SUCLG2: variants seen among roughly 807,000 people sequenced by gnomAD.
SUCLG2 encodes the protein succinate-CoA ligase GDP-forming subunit beta, also known as succinate--CoA ligase [GDP-forming] subunit beta, mitochondrial.
A neutral mutation model predicts 47.9 loss-of-function variants in SUCLG2; 42 were observed. That is an observed-to-expected ratio of 0.88 (90% CI 0.69 to 1.14). The LOEUF (loss-of-function observed/expected upper bound fraction) is 1.14. Among genes scored for constraint, SUCLG2 ranks in the 50% most tolerant of loss-of-function variants. The probability of loss-of-function intolerance (pLI) is 0.00; values close to 1 mark genes in which losing one functional copy is unlikely to be tolerated. For synonymous variants in SUCLG2, 195 were observed against 197.3 expected, an observed-to-expected ratio of 0.99 and a Z score of 0.10; for missense variants, 571 against 525.9, an observed-to-expected ratio of 1.09 and a Z score of -0.84.
intron 7 of SUCLG2, among the ~76,000 whole-genome samples, chr3:67,506,099 C>T (rs539964888): frequency 5.2e-4 from 79 of 152,080 alleles, no homozygotes; most frequent in African/African-American, 1.8e-3. Flanking sequence ...GAAATTTTAC[C>T]GTGAAATGTT....
intron 2 of SUCLG2, among the ~76,000 whole-genome samples, chr3:67,547,742 A>C (rs1706906425): frequency 1.3e-5 from 2 of 152,112 alleles, no homozygotes; most frequent in Non-Finnish European, 2.9e-5. Flanking sequence ...ATTAACACTG[A>C]CTTGGGAATG....
intron 9 of SUCLG2, among the ~76,000 whole-genome samples, chr3:67,453,417 G>A (rs989623886): frequency 3.3e-5 from 5 of 152,102 alleles, no homozygotes; most frequent in African/African-American, 4.8e-5. Context: ...CCACCTTCTT[G>A]CTGTGTCCTC....
intron 1 of SUCLG2, among the ~76,000 whole-genome samples, chr3:67,642,922 G>GTGTA: frequency 6.8e-6 from 1 of 146,842 alleles, no homozygotes; most frequent in Admixed American, 6.7e-5. Context: ...AGGACTCTGT[G>GTGTA]TGTGTGTGTG....
chr3:67,427,165 T>A (rs1703323845), intron 9 of SUCLG2, among the ~76,000 whole-genome samples: 1 of 152,198 alleles, frequency 6.6e-6, no homozygotes, highest in South Asian at 2.1e-4. Flanking sequence ...GGTATGTATT[T>A]TATGTTATCA....
chr3:67,632,192 A>G (rs1000307627), intron 1 of SUCLG2, among the ~76,000 whole-genome samples: 2 of 151,076 alleles, frequency 1.3e-5, no homozygotes, highest in Non-Finnish European at 3.0e-5. Context: ...TCCAGAGTTC[A>G]TTTTTTTTTA....
chr3:67,531,868 G>A (rs372882475), intron 2 of SUCLG2, among the ~76,000 whole-genome samples: 1 of 152,088 alleles, frequency 6.6e-6, no homozygotes, highest in Non-Finnish European at 1.5e-5. Flanking sequence ...ACAGTAACTC[G>A]TCTCTTCATT....
chr3:67,440,600 T>C (rs1254854031), intron 9 of SUCLG2, among the ~76,000 whole-genome samples: 1 of 152,136 alleles, frequency 6.6e-6, no homozygotes, highest in African/African-American at 2.4e-5. Context: ...AAAGAAGACA[T>C]TTATGCAGCA....
At chr3:67,573,152 T>C (rs560451835) in intron 2 of SUCLG2, among the ~76,000 whole-genome samples, 1 of 152,198 alleles carries the variant, frequency 6.6e-6, no homozygotes, top group South Asian at 2.1e-4. Flanking sequence ...AAAATATTGC[T>C]GAAATAAAGA....
At chr3:67,471,683 G>A (rs1704608240) in intron 9 of SUCLG2, among the ~76,000 whole-genome samples, 1 of 151,116 alleles carries the variant, frequency 6.6e-6, no homozygotes, top group Non-Finnish European at 1.5e-5. Flanking sequence ...AATTAATTTG[G>A]CCAGTTTTAG....
intron 6 of SUCLG2, among the ~76,000 whole-genome samples, chr3:67,517,222 T>A (rs1705967701): frequency 6.6e-6 from 1 of 152,284 alleles, no homozygotes; most frequent in East Asian, 1.9e-4. Context: ...GCATATATAT[T>A]TTTTAAAACC....
intron 9 of SUCLG2, among the ~76,000 whole-genome samples, chr3:67,439,167 A>C (rs981038921): frequency 6.6e-6 from 1 of 152,112 alleles, no homozygotes; most frequent in African/African-American, 2.4e-5. Flanking sequence ...TGCAGAAAAG[A>C]CCTTTGATAA....
chr3:67,433,463 C>T (rs987234891), intron 9 of SUCLG2, among the ~76,000 whole-genome samples: 5 of 152,022 alleles, frequency 3.3e-5, no homozygotes, highest in East Asian at 1.9e-4. Context: ...TAGGAAGGTG[C>T]GCACGGTGGG....
At chr3:67,419,841 T>C (rs1703115148) in intron 9 of SUCLG2, among the ~76,000 whole-genome samples, 1 of 152,182 alleles carries the variant, frequency 6.6e-6, no homozygotes, top group South Asian at 2.1e-4. Context: ...AATGACAGGT[T>C]GCATGATTAA....
chr3:67,611,337 A>G (rs1338355520), intron 1 of SUCLG2, among the ~76,000 whole-genome samples: 1 of 152,226 alleles, frequency 6.6e-6, no homozygotes, highest in African/African-American at 2.4e-5. Flanking sequence ...CAATGCTCAC[A>G]TCATTTACCG....
chr3:67,372,711 T>A (rs935121305), downstream of SUCLG2, among the ~76,000 whole-genome samples: 7 of 152,164 alleles, frequency 4.6e-5, no homozygotes, highest in African/African-American at 1.7e-4. Flanking sequence ...AATGGAAAGA[T>A]CAAAGATCTT....
At chr3:67,488,177 T>C (rs1387884404) in intron 9 of SUCLG2, among the ~76,000 whole-genome samples, 1 of 152,092 alleles carries the variant, frequency 6.6e-6, no homozygotes, top group Non-Finnish European at 1.5e-5. Flanking sequence ...TAATTTTCTC[T>C]TTTGTTTGTC....
Position 67,593,971 on chromosome 3 carries a change from T to C in SUCLG2, c.226+15484A>G, listed in dbSNP as rs539517493. Among the ~76,000 whole-genome samples, 57 of 152,312 alleles carry C rather than the reference T, an allele frequency of 3.7e-4. No homozygotes were observed. The Middle Eastern group carries it at 0.01, about 27-fold the overall frequency. On this transcript the variant is annotated intron_variant, in intron 2 of 10. Coordinates refer to ENST00000307227, the MANE Select transcript of SUCLG2 (RefSeq NM_003848.4). ...TAGCAGATGTGATGCAACAAGGAGC[T>C]TGAAACATACTTGCAGTTGGGCTTG...
intron 1 of SUCLG2, among the ~76,000 whole-genome samples, chr3:67,654,231 G>A (rs1024160843): frequency 2.0e-5 from 3 of 152,242 alleles, no homozygotes; most frequent in Non-Finnish European, 4.4e-5. Flanking sequence ...CAGCGCCTTC[G>A]CCATGAGTCT....
intron 10 of SUCLG2, among the ~76,000 whole-genome samples, chr3:67,389,120 C>G (rs1379054666): frequency 1.3e-5 from 2 of 151,762 alleles, no homozygotes; most frequent in Non-Finnish European, 2.9e-5. Flanking sequence ...TTAGGCAGAA[C>G]CAAAAACCCA....
Sources: gnomAD v4.1 joint callset for allele counts (sites outside exome capture counted in the v4.1 genomes callset) on GRCh38, gnomAD v4.1.1 for gene constraint, MANE v1.5 for transcripts, NCBI Gene and HGNC (gene_info 2026-07-23, HGNC 2026-07-21) for gene names.